The following NLGN3 variants were observed in gnomAD, a reference collection of about 807,000 sequenced individuals.
The protein encoded by NLGN3 is neuroligin 3.
In NLGN3, 11 loss-of-function variants were observed where a neutral mutation model predicts 42.9. That is an observed-to-expected ratio of 0.26 (90% CI 0.16 to 0.42). NLGN3 has a LOEUF of 0.42. NLGN3 is among the 10% of genes least tolerant of loss of function. The pLI, the probability that NLGN3 is intolerant of heterozygous loss-of-function variation, is 1.00. For missense variants in NLGN3, 374 were observed against 733.8 expected (o/e 0.51, Z 5.67); for synonymous variants, 279 against 312.7 (o/e 0.89, Z 1.14).
chrX:71,154,270 T>TGGCCCTGCCCCTCTGCCCC (rs1320530067), intron 4 of NLGN3, among the ~76,000 whole-genome samples: 4 of 113,397 alleles, frequency 3.5e-5, no homozygotes, highest in Non-Finnish European at 7.5e-5. Flanking sequence ...CTCCATGCCC[T>TGGCCCTGCCCCTCTGCCCC]GGCCCTGCCC....
intron 6 of NLGN3, among the ~76,000 whole-genome samples, chrX:71,166,724 G>A (rs764251576): frequency 8.9e-5 from 10 of 111,788 alleles, no homozygotes; most frequent in African/African-American, 2.9e-4. Context: ...AAAGAGAGGC[G>A]GCATAAGGGG....
chrX:71,167,285 C>T lies in NLGN3; in HGVS notation c.1188C>T (p.Phe396=). ...DPEILMEQGE[F]LNYDIMLGVN... is the part of the protein sequence containing the mutation. Reference sequence around the variant, plus strand: ...AGATCCTCATGGAGCAGGGCGAGTTCCTCAACTATGACATCATGCTAGGTG... The same window carrying T: ...AGATCCTCATGGAGCAGGGCGAGTTTCTCAACTATGACATCATGCTAGGTG... Residue 396 remains phenylalanine (F), a synonymous_variant, in exon 7 of 8, where the codon TTC becomes TTT. Coordinates refer to ENST00000358741, the MANE Select transcript of NLGN3 (RefSeq NM_181303.2). The T allele has an allele frequency of 8.3e-7, 1 of 1,211,693 alleles. No homozygotes were observed. Among genetic ancestry groups the T allele is most frequent in the Non-Finnish European group, 1.1e-6 (1 of 895,498 alleles).
At chrX:71,168,892 AAG>A (rs1393661533) in intron 7 of NLGN3, among the ~76,000 whole-genome samples, 1 of 105,509 alleles carries the variant, frequency 9.5e-6, no homozygotes, top group Non-Finnish European at 1.9e-5. Context: ...AAGAGAAAGA[AAG>A]AAAGAAAGAA....
Position 71,153,364 on chromosome X carries a change from C to T in NLGN3, c.518-113C>T, listed in dbSNP as rs772286181. The T allele has an allele frequency of 1.2e-5, 9 of 768,714 alleles. No homozygotes were observed. In the African/African-American group the frequency reaches 1.4e-4, roughly 12 times the overall value. 63.4% of individuals were successfully genotyped at this position (768,714 alleles called of 1,213,427 possible). ...TGCCATCCCTCCTGCCTGTCCTGGG[C>T]CCAGGCCCGGAGCTGGCTTGCTGGG... On this transcript the variant is annotated intron_variant, in intron 3 of 7. Coordinates refer to ENST00000358741, the MANE Select transcript of NLGN3 (RefSeq NM_181303.2).
chrX:71,149,161 G>A (rs1453886647), intron 3 of NLGN3, among the ~76,000 whole-genome samples: 1 of 110,668 alleles, frequency 9.0e-6, no homozygotes, highest in Non-Finnish European at 1.9e-5. Flanking sequence ...TAAAGTGTGT[G>A]CCAAAGGCAG....
In NLGN3 at chrX:71,158,898, C is replaced by G. The variant is rs752110986; in HGVS notation, c.727+3535C>G. Among the ~76,000 whole-genome samples, 3 of 112,019 alleles carry G rather than the reference C, an allele frequency of 2.7e-5. No homozygotes were observed. The South Asian group carries it at 1.1e-3, about 41-fold the overall frequency. On this transcript the variant is annotated intron_variant, in intron 5 of 7. Transcript: ENST00000358741. The stretch of plus-strand genomic sequence containing the variant: ...TCCTTCAGCTGCTCTAATCCTTAAG[C>G]TTCTACACCAGAAGTTCTTAACCTT...
At chrX:71,156,346 C>T (rs2093786370) in intron 5 of NLGN3, among the ~76,000 whole-genome samples, 2 of 109,171 alleles carry the variant, frequency 1.8e-5, no homozygotes, top group Non-Finnish European at 3.8e-5. Context: ...CAAATATTCC[C>T]CTTCCCTACA....
In NLGN3 at chrX:71,148,051, A is replaced by G; in HGVS notation, c.302A>G (p.His101Arg). The change falls in exon 2 of 8, where the codon CAC becomes CGC. Residue 101 changes from histidine (H) to arginine (R), a missense_variant. By Grantham distance (29) the His-to-Arg change is conservative. This residue lies in a region of NLGN3 where 109 missense variants were observed against 173.3 expected (regional missense o/e 0.63). Coordinates refer to ENST00000358741, the MANE Select transcript of NLGN3 (RefSeq NM_181303.2). ...TGGTCGGGCATCCGGAACGCCACAC[A>G]CTTTCCCCCAGTGTGCCCCCAGAAC... is the stretch of plus-strand genomic sequence containing the variant. Reference protein sequence around the residue: ...PSWSGIRNATHFPPVCPQNIH... With the variant: ...PSWSGIRNATRFPPVCPQNIH... 1 of 1,208,306 alleles carries G rather than the reference A, an allele frequency of 8.3e-7. No homozygotes were observed. The highest frequency in any genetic ancestry group is 1.1e-6 in the Non-Finnish European group (1 of 893,919).
intron 7 of NLGN3, among the ~76,000 whole-genome samples, chrX:71,168,845 G>GAA (rs1556351526): frequency 2.4e-5 from 2 of 83,239 alleles, no homozygotes; most frequent in African/African-American, 1.3e-4. Context: ...AAGAAAGAAA[G>GAA]AAAGAAAGAA....
At chrX:71,163,494 G>A (rs1467423672) in intron 5 of NLGN3, among the ~76,000 whole-genome samples, 1 of 111,954 alleles carries the variant, frequency 8.9e-6, no homozygotes, top group Non-Finnish European at 1.9e-5. Flanking sequence ...ATTTGAACAG[G>A]AAGGGCAAGG....
intron 3 of NLGN3, among the ~76,000 whole-genome samples, chrX:71,149,890 G>A (rs1602315166): frequency 9.0e-6 from 1 of 111,522 alleles, no homozygotes; most frequent in South Asian, 3.8e-4. Flanking sequence ...ACAGCCTAAG[G>A]AACAGGTGGA....
At chrX:71,161,718 G>A (rs1367450401) in intron 5 of NLGN3, among the ~76,000 whole-genome samples, 5 of 111,502 alleles carry the variant, frequency 4.5e-5, no homozygotes, top group Non-Finnish European at 9.4e-5. Context: ...AGGTTGCAGC[G>A]AGCCGAGATC....
downstream of NLGN3, among the ~76,000 whole-genome samples, chrX:71,174,482 C>A (rs1421765984): frequency 8.9e-6 from 1 of 111,865 alleles, no homozygotes; most frequent in Non-Finnish European, 1.9e-5. Flanking sequence ...GATTCTAGGA[C>A]AAATGATTAA....
At chrX:71,165,795 A>G (rs1054540376) in intron 6 of NLGN3, among the ~76,000 whole-genome samples, 2 of 111,411 alleles carry the variant, frequency 1.8e-5, no homozygotes, top group African/African-American at 6.5e-5. Flanking sequence ...CGGCCTCCCA[A>G]AGTGCTGGGA....
Position 71,170,043 on chromosome X carries a change from C to T in NLGN3, c.2493C>T (p.Ala831=), listed in dbSNP as rs756628496. 20 of 1,207,250 alleles carry T rather than the reference C, an allele frequency of 1.7e-5. No homozygotes were observed. The highest frequency in any genetic ancestry group is 5.3e-5 in the African/African-American group (3 of 56,299). Residue 831 remains alanine (A), a synonymous_variant, in exon 8 of 8, where the codon GCC becomes GCT. Coordinates refer to ENST00000358741, the MANE Select transcript of NLGN3 (RefSeq NM_181303.2). Reference sequence around the variant, plus strand: ...CATTGCACCCCTATAACACCTTTGCCGCAGGGTTCAACAGTACCGGGCTGC... The same window carrying T: ...CATTGCACCCCTATAACACCTTTGCTGCAGGGTTCAACAGTACCGGGCTGC... ...LQTLHPYNTF[A]AGFNSTGLPH... is the part of the protein sequence containing the mutation.
At chrX:71,169,039 A>G (rs757918594) in intron 7 of NLGN3, among the ~76,000 whole-genome samples, 11 of 110,997 alleles carry the variant, frequency 9.9e-5, no homozygotes, top group African/African-American at 3.6e-4. Flanking sequence ...AAGCATCTAT[A>G]GCCTTAATCT....
chrX:71,153,584 C>G (rs777177931), intron 4 of NLGN3, 48 bp downstream of exon 4: 1 of 1,084,186 alleles, frequency 9.2e-7, no homozygotes, highest in South Asian at 1.9e-5. Context: ...GCACAGAGCC[C>G]CTCCCCTTCT....
downstream of NLGN3, among the ~76,000 whole-genome samples, chrX:71,172,627 C>CATGTGTGT (rs376125375): frequency 3.0e-4 from 30 of 100,514 alleles, no homozygotes; most frequent in African/African-American, 1.0e-3. Flanking sequence ...TGTGTGCATG[C>CATGTGTGT]GTGTGTGTGT....
intron 3 of NLGN3, among the ~76,000 whole-genome samples, chrX:71,150,701 CA>C (rs1174331159): frequency 7.2e-3 from 210 of 29,182 alleles, no homozygotes; most frequent in Middle Eastern, 0.024. Flanking sequence ...GACTCCATCT[CA>C]AAAAAAAAAA....
Sources: gnomAD v4.1 joint callset for allele counts (sites outside exome capture counted in the v4.1 genomes callset) on GRCh38, gnomAD v4.1.1 for gene constraint, gnomAD v4.1.1 regional missense constraint, MANE v1.5 for transcripts, NCBI Gene and HGNC (gene_info 2026-07-23, HGNC 2026-07-21) for gene names.